TLN2: variants seen among roughly 807,000 people sequenced by gnomAD.
The protein encoded by TLN2 is talin 2.
Under a neutral mutation model 294.7 loss-of-function variants are expected in TLN2, and 118 were observed. The observed-to-expected ratio is 0.40, with a 90% CI of 0.34 to 0.47. The LOEUF (loss-of-function observed/expected upper bound fraction) is 0.47. TLN2 is among the 20% of genes least tolerant of loss of function. TLN2 has a pLI of 0.84. For synonymous variants in TLN2, 1,431 were observed against 1,304.5 expected (o/e 1.10, Z -2.09); for missense variants, 3,083 against 3,282.2 (o/e 0.94, Z 1.48).
intron 39 of TLN2, 199 bp from the exon 40 acceptor site, chr15:62,763,364 G>T: frequency 1.9e-6 from 1 of 531,444 alleles, no homozygotes; most frequent in Non-Finnish European, 3.2e-6. Context: ...GAAATAAGTA[G>T]AGTTATCTGA....
At chr15:62,688,058 A>T (rs1317089288) in intron 12 of TLN2, 1 of 152,222 alleles carries the variant, frequency 6.6e-6, no homozygotes, top group Non-Finnish European at 1.5e-5. Context: ...AATGGGTAGG[A>T]CAGGGAACAA....
At chr15:62,544,338 A>T (rs1420799642) in intron 1 of TLN2, among the ~76,000 whole-genome samples, 1 of 152,108 alleles carries the variant, frequency 6.6e-6, no homozygotes, top group African/African-American at 2.4e-5. Flanking sequence ...GGGTTCGCCA[A>T]CACTCGTGGT....
intron 37 of TLN2, among the ~76,000 whole-genome samples, chr15:62,760,339 G>T (rs1005432863): frequency 6.6e-6 from 1 of 152,148 alleles, no homozygotes; most frequent in East Asian, 1.9e-4. Flanking sequence ...TTCAGAAATC[G>T]CCTTCAAACC....
At chr15:62,709,319 G>GT (rs1242506593) in intron 21 of TLN2, among the ~76,000 whole-genome samples, 1 of 152,202 alleles carries the variant, frequency 6.6e-6, no homozygotes, top group African/African-American at 2.4e-5. Context: ...GGATTGGCTA[G>GT]TTTAAATAAT....
chr15:62,686,610 G>C, intron 11 of TLN2, 31 bp from the exon 12 acceptor site: 1 of 1,595,138 alleles, frequency 6.3e-7, no homozygotes, highest in Non-Finnish European at 8.5e-7. Flanking sequence ...TTCAGAAGAA[G>C]AGCACTGACT....
rs549847004 is a variant in TLN2, at chr15:62,792,680, C to A, written c.5776C>A (p.His1926Asn). ...QIRTRVQDLG[H>N]GCIFLVQKAG... ...TCGCACTCGTGTGCAGGACCTGGGC[C>A]ACGGCTGTATCTTCCTGGTGCAGAA... The change falls in exon 46 of 59, where the codon CAC (histidine) becomes AAC (asparagine). Residue 1926 changes from histidine (H) to asparagine (N), a missense_variant. Coordinates refer to ENST00000636159, the MANE Select transcript of TLN2 (RefSeq NM_015059.3). 6.2e-7 allele frequency: 1 copy of A among 1,613,906 alleles called. No individual in the cohort carries two copies. Among genetic ancestry groups the A allele is most frequent in the Middle Eastern group, 1.7e-4 (1 of 6,024 alleles).
chr15:62,710,927 C>T lies in TLN2; in HGVS notation c.2468-984C>T, dbSNP rs138976284. ...GTTTTTAGTAGAGATGGGGTTTCAC[C>T]GTGTTAGCCAGGATGGTCTCGATCT... On this transcript the variant is annotated intron_variant, in intron 21 of 58. Transcript: ENST00000636159. Among the ~76,000 whole-genome samples, 1,400 of 151,788 alleles carry T rather than the reference C, an allele frequency of 9.2e-3. 24 individuals carry two copies. Among genetic ancestry groups the T allele is most frequent in the African/African-American group, 0.032 (1,334 of 41,378 alleles).
chr15:62,694,998 A>G (rs1328100751), intron 14 of TLN2, among the ~76,000 whole-genome samples: 2 of 152,204 alleles, frequency 1.3e-5, no homozygotes, highest in African/African-American at 2.4e-5. Context: ...TTTTATTTCC[A>G]TGGTAGTTAC....
At chr15:62,836,305 G>A (rs554333755) in intron 57 of TLN2, among the ~76,000 whole-genome samples, 4 of 152,288 alleles carry the variant, frequency 2.6e-5, no homozygotes, top group East Asian at 1.9e-4. Flanking sequence ...CCTGCTCCTC[G>A]CCAGCCCAAC....
At position 62,800,640 on chromosome 15, in the gene TLN2, C is replaced by T. The variant is rs1397471962; in HGVS notation, c.6361-13C>T. 8.7e-6 allele frequency: 14 copies of T among 1,613,752 alleles called. No homozygotes were observed. The highest frequency in any genetic ancestry group is 1.1e-5 in the Non-Finnish European group (13 of 1,179,796). The stretch of plus-strand genomic sequence containing the variant: ...CACTGCACTATCTGTATTCATTCTC[C>T]CTTCCTATGCAGGTGATGGTGACCA... On this transcript the variant is annotated splice_polypyrimidine_tract_variant and intron_variant, in intron 49 of 58. Coordinates refer to ENST00000636159, the MANE Select transcript of TLN2 (RefSeq NM_015059.3).
At chr15:62,745,542 A>G (rs909521661) in intron 32 of TLN2, among the ~76,000 whole-genome samples, 2 of 152,066 alleles carry the variant, frequency 1.3e-5, no homozygotes, top group Non-Finnish European at 2.9e-5. Flanking sequence ...ATGCATATAT[A>G]TGTTTATTTT....
At chr15:62,462,913 G>A (rs1010213644) in intron 1 of TLN2, among the ~76,000 whole-genome samples, 1 of 152,174 alleles carries the variant, frequency 6.6e-6, no homozygotes, top group Non-Finnish European at 1.5e-5. Context: ...CCGCACAGCT[G>A]CCACCCCCAT....
At chr15:62,780,458 C>T (rs2064063967) in intron 43 of TLN2, among the ~76,000 whole-genome samples, 1 of 152,172 alleles carries the variant, frequency 6.6e-6, no homozygotes, top group African/African-American at 2.4e-5. Context: ...GCCCGAGGTT[C>T]ATTCACAAGC....
intron 37 of TLN2, among the ~76,000 whole-genome samples, chr15:62,756,064 G>A (rs550741892): frequency 6.6e-6 from 1 of 152,314 alleles, no homozygotes; most frequent in Non-Finnish European, 1.5e-5. Context: ...GCGTTTTTGG[G>A]TGGGCTAGTA....
At chr15:62,767,319 TTTTTCTTTTCTTTTC>T (rs59674357) in intron 41 of TLN2, among the ~76,000 whole-genome samples, 6 of 148,964 alleles carry the variant, frequency 4.0e-5, no homozygotes, top group African/African-American at 9.9e-5. Context: ...ATTTCATTTC[TTTTTCTTTTCTTTTC>T]TTTTCTTTTC....
At chr15:62,720,405 G>C (rs946318844) in intron 25 of TLN2, among the ~76,000 whole-genome samples, 3 of 152,106 alleles carry the variant, frequency 2.0e-5, no homozygotes, top group African/African-American at 7.2e-5. Flanking sequence ...TCCCCTTTAC[G>C]TGCTTCTTAT....
chr15:62,401,012 C>A (rs1293943613), intron 1 of TLN2, among the ~76,000 whole-genome samples: 1 of 152,030 alleles, frequency 6.6e-6, no homozygotes, highest in East Asian at 1.9e-4. Flanking sequence ...GACAGGGTTT[C>A]ACCGTGTTGC....
chr15:62,758,229 G>A (rs2062433730), intron 37 of TLN2, among the ~76,000 whole-genome samples: 1 of 152,050 alleles, frequency 6.6e-6, no homozygotes, highest in Non-Finnish European at 1.5e-5. Flanking sequence ...TGGCTCATCG[G>A]CATCAGTCAC....
chr15:62,636,380 T>C (rs1232966122), intron 3 of TLN2, among the ~76,000 whole-genome samples: 1 of 152,128 alleles, frequency 6.6e-6, no homozygotes, highest in Non-Finnish European at 1.5e-5. Context: ...TCCAGTTTGG[T>C]CTGTGACTGC....
Sources: allele counts gnomAD v4.1 joint callset (sites outside exome capture counted in the v4.1 genomes callset), GRCh38; gene constraint gnomAD v4.1.1; transcripts MANE v1.5; gene names NCBI Gene and HGNC (gene_info 2026-07-23, HGNC 2026-07-21).